Variants in SCN3A observed in about 807,000 individuals in gnomAD.
The protein encoded by SCN3A is sodium channel protein type 3 subunit alpha.
In SCN3A, 60 loss-of-function variants were observed where a neutral mutation model predicts 187.6. The observed-to-expected ratio is 0.32, with a 90% CI of 0.26 to 0.40. The LOEUF is 0.40. Ranked by LOEUF, SCN3A falls within the 10% of genes least tolerant of loss-of-function variation. The pLI, the probability that SCN3A is intolerant of heterozygous loss-of-function variation, is 1.00. For synonymous variants in SCN3A, 788 were observed against 829.2 expected, an observed-to-expected ratio of 0.95 and a Z score of 0.85; for missense variants, 1,601 against 2,428.2, an observed-to-expected ratio of 0.66 and a Z score of 7.16.
chr2:165,136,510 T>C (rs373883279), intron 15 of SCN3A, among the ~76,000 whole-genome samples: 2 of 152,188 alleles, frequency 1.3e-5, no homozygotes, highest in East Asian at 3.9e-4. Flanking sequence ...ATTACACTCA[T>C]TTCAATAATA....
At chr2:165,108,383 TC>T (rs1176054284) in intron 21 of SCN3A, among the ~76,000 whole-genome samples, 1 of 152,054 alleles carries the variant, frequency 6.6e-6, no homozygotes, top group Non-Finnish European at 1.5e-5. Flanking sequence ...TTTGTTCACC[TC>T]AACAGAGCAG....
intron 22 of SCN3A, among the ~76,000 whole-genome samples, chr2:165,098,474 G>C (rs1480533969): frequency 6.6e-6 from 1 of 152,130 alleles, no homozygotes; most frequent in African/African-American, 2.4e-5. Flanking sequence ...CTTGAATTTT[G>C]TTTCTTTTGG....
chr2:165,123,726 C>T (rs1242243316), intron 18 of SCN3A, among the ~76,000 whole-genome samples: 2 of 152,076 alleles, frequency 1.3e-5, no homozygotes, highest in African/African-American at 4.8e-5. Flanking sequence ...AGGGAATAAC[C>T]CAGCCAATAT....
chr2:165,134,156 T>C (rs1687524142), intron 15 of SCN3A, among the ~76,000 whole-genome samples: 1 of 152,132 alleles, frequency 6.6e-6, no homozygotes, highest in African/African-American at 2.4e-5. Context: ...GATTAATAAG[T>C]CACTTGAGTG....
chr2:165,201,827 C>T (rs1478538553), intron 1 of SCN3A, among the ~76,000 whole-genome samples: 2 of 152,014 alleles, frequency 1.3e-5, no homozygotes, highest in African/African-American at 4.8e-5. Context: ...AAAGTTGTAT[C>T]TTAATTAAGC....
chr2:165,192,119 G>T (rs1247081090), intron 1 of SCN3A, among the ~76,000 whole-genome samples: 1 of 151,786 alleles, frequency 6.6e-6, no homozygotes, highest in Non-Finnish European at 1.5e-5. Flanking sequence ...AAACATAAAA[G>T]GACTCAATAT....
chr2:165,161,120 C>G (rs1010401680), intron 9 of SCN3A, among the ~76,000 whole-genome samples: 3 of 94,566 alleles, frequency 3.2e-5, no homozygotes, highest in Admixed American at 9.5e-5. Flanking sequence ...CTTTTCTTTT[C>G]TTTTTTTTCT....
chr2:165,097,110 A>G (rs1276374159), intron 23 of SCN3A, 142 bp downstream of exon 23: 15 of 783,832 alleles, frequency 1.9e-5, no homozygotes, highest in African/African-American at 3.5e-5. Context: ...TTTATGATCA[A>G]TTCAAGCTGA....
chr2:165,136,874 C>T (rs1687701682), intron 15 of SCN3A, among the ~76,000 whole-genome samples: 1 of 152,126 alleles, frequency 6.6e-6, no homozygotes, highest in Admixed American at 6.6e-5. Flanking sequence ...TTTCCTTTCC[C>T]CCTTCTGTTG....
At chr2:165,105,827 G>A (rs1268179313) in intron 21 of SCN3A, among the ~76,000 whole-genome samples, 2 of 151,962 alleles carry the variant, frequency 1.3e-5, no homozygotes, top group East Asian at 3.9e-4. Flanking sequence ...TTGCACCACT[G>A]CACTCCATCC....
In SCN3A at chr2:165,115,567, A is replaced by G; in HGVS notation, c.3402T>C (p.Asn1134=). 2 of 1,613,754 alleles carry G rather than the reference A, an allele frequency of 1.2e-6. No homozygotes were observed. Among genetic ancestry groups the G allele is most frequent in the Non-Finnish European group, 8.5e-7 (1 of 1,179,848 alleles). ...TGCTTCCTTCAGATGAGCTGGTTGC[A>G]TTTAATTTCTGGAAACAAAATCCCA... ...SELEESKEKL[N]ATSSSEGSTV... is the part of the protein sequence containing the mutation. The change falls in exon 19 of 28, where the codon AAT becomes AAC. Residue 1134 remains asparagine (N), a synonymous_variant. Transcript: ENST00000283254.
chr2:165,140,704 A>C lies in SCN3A; in HGVS notation c.1966T>G (p.Leu656Val), dbSNP rs764003738. 3.7e-6 allele frequency: 6 copies of C among 1,614,004 alleles called. No individual in the cohort carries two copies. In the South Asian group the frequency reaches 5.5e-5, roughly 15 times the overall value. The change falls in exon 13 of 28, where the codon TTG (leucine) becomes GTG (valine). Residue 656 changes from leucine (L) to valine (V), a missense_variant. By Grantham distance (32) the Leu-to-Val change is conservative. Transcript: ENST00000283254. The surrounding 1 kb of genome is among the most constrained non-coding windows in gnomAD (Gnocchi z 4.2). The stretch of plus-strand genomic sequence containing the variant: ...GTTAGAGCTGAAGGTCCACCCACCA[A>C]GGAAACCACACCATTGCAATCCACA... Reference protein sequence around the residue: ...STVDCNGVVSLVGGPSALTSP... With the variant: ...STVDCNGVVSVVGGPSALTSP...
intron 15 of SCN3A, among the ~76,000 whole-genome samples, chr2:165,134,253 A>T (rs1329603167): frequency 6.6e-6 from 1 of 152,242 alleles, no homozygotes; most frequent in East Asian, 1.9e-4. Flanking sequence ...ATAGGCTGAG[A>T]GATACAGGAC....
intron 26 of SCN3A, 107 bp downstream of exon 26, chr2:165,094,267 G>A: frequency 1.2e-6 from 1 of 846,904 alleles, no homozygotes; most frequent in Non-Finnish European, 2.1e-6. Context: ...TATAATTAGG[G>A]CTCAATATTG....
chr2:165,126,506 CT>C (rs1055614141), intron 18 of SCN3A, among the ~76,000 whole-genome samples: 25 of 103,148 alleles, frequency 2.4e-4, no homozygotes, highest in South Asian at 9.0e-4. Context: ...TTCTTTCCTT[CT>C]TTTTTTCTCT....
intron 11 of SCN3A, among the ~76,000 whole-genome samples, chr2:165,152,259 C>G (rs944648790): frequency 6.6e-6 from 1 of 152,026 alleles, no homozygotes; most frequent in African/African-American, 2.4e-5. Context: ...AGACAGGGAA[C>G]TTAAACAGTT....
intron 2 of SCN3A, among the ~76,000 whole-genome samples, chr2:165,184,292 TAAAC>T (rs1691081019): frequency 6.6e-6 from 1 of 152,050 alleles, no homozygotes; most frequent in Non-Finnish European, 1.5e-5. Flanking sequence ...TGAATAACAA[TAAAC>T]AAAATTCTAT....
intron 11 of SCN3A, among the ~76,000 whole-genome samples, chr2:165,151,580 T>C (rs1008653341): frequency 6.6e-6 from 1 of 152,218 alleles, no homozygotes; most frequent in Non-Finnish European, 1.5e-5. Context: ...GTCAGTTCTA[T>C]GCTTTTGTTA....
At chr2:165,172,926 G>A (rs1168397623) in intron 3 of SCN3A, among the ~76,000 whole-genome samples, 1 of 152,138 alleles carries the variant, frequency 6.6e-6, no homozygotes, top group Admixed American at 6.6e-5. Flanking sequence ...CCTGCATAGT[G>A]AAAGAATTGC....
Sources: allele counts gnomAD v4.1 joint callset (sites outside exome capture counted in the v4.1 genomes callset), GRCh38; gene constraint gnomAD v4.1.1; non-coding constraint Gnocchi (gnomAD v3.1); transcripts MANE v1.5; gene names NCBI Gene and HGNC (gene_info 2026-07-23, HGNC 2026-07-21).